The following KIRREL1 variants were observed in gnomAD, a reference collection of about 807,000 sequenced individuals.
The protein encoded by KIRREL1 is kin of IRRE-like protein 1.
KIRREL1 carries 25 observed loss-of-function variants against 83.3 expected under a neutral mutation model. The observed-to-expected ratio is 0.30, with a 90% confidence interval of 0.22 to 0.42. KIRREL1 has a LOEUF of 0.42. Among genes scored for constraint, KIRREL1 ranks in the 10% least tolerant of loss-of-function variants. The pLI is 1.00. For synonymous variants in KIRREL1, 388 were observed against 410.4 expected (o/e 0.95, Z 0.66); for missense variants, 812 against 1,032.3 (o/e 0.79, Z 2.92).
At chr1:158,087,667 G>C in intron 5 of KIRREL1, 88 bp from the exon 6 acceptor site, 1 of 839,620 alleles carries the variant, frequency 1.2e-6, no homozygotes, top group Non-Finnish European at 1.9e-6. Context: ...CCCCGCCAGA[G>C]TGGTCAGGTC....
At chr1:158,044,341 C>T (rs1296577457) in intron 1 of KIRREL1, among the ~76,000 whole-genome samples, 2 of 152,042 alleles carry the variant, frequency 1.3e-5, no homozygotes, top group Non-Finnish European at 2.9e-5. Flanking sequence ...AGGTCCATGC[C>T]CAGAGAGAGC....
chr1:158,014,543 C>T (rs1659772079), intron 1 of KIRREL1, among the ~76,000 whole-genome samples: 1 of 152,024 alleles, frequency 6.6e-6, no homozygotes, highest in African/African-American at 2.4e-5. Flanking sequence ...AAGCAGCAGC[C>T]AGGGAACACC....
intron 1 of KIRREL1, among the ~76,000 whole-genome samples, chr1:158,059,079 T>C (rs577043041): frequency 2.6e-5 from 4 of 152,268 alleles, no homozygotes; most frequent in African/African-American, 9.6e-5. Flanking sequence ...TCCCACTGCA[T>C]GTTTCCCATG....
At chr1:158,031,241 C>G (rs1414126809) in intron 1 of KIRREL1, 1 of 152,224 alleles carries the variant, frequency 6.6e-6, no homozygotes, top group East Asian at 1.9e-4. Context: ...GGTAAGATGT[C>G]TTTCCTAATA....
At chr1:158,004,626 C>G (rs551213906) in intron 1 of KIRREL1, among the ~76,000 whole-genome samples, 3 of 152,146 alleles carry the variant, frequency 2.0e-5, no homozygotes, top group Non-Finnish European at 4.4e-5. Flanking sequence ...GGACGGTGTA[C>G]AGTAAGCTTA....
In KIRREL1 at chr1:158,076,101, T is replaced by G. The variant is rs1317187938; in HGVS notation, c.53-12T>G. 6.2e-7 allele frequency: 1 copy of G among 1,612,920 alleles called. No individual in the cohort carries two copies. Among genetic ancestry groups the G allele is most frequent in the Admixed American group, 1.7e-5 (1 of 59,734 alleles). On this transcript the variant is annotated splice_polypyrimidine_tract_variant and intron_variant, in intron 1 of 14. Transcript: ENST00000359209. Reference sequence around the variant, plus strand: ...TTACTCATCTTACCCAGTGCTGGCTTTGGCTTTGCAGGGACCCAGACCCGC... The same window carrying G: ...TTACTCATCTTACCCAGTGCTGGCTGTGGCTTTGCAGGGACCCAGACCCGC...
At chr1:158,048,882 A>G (rs1389744366) in intron 1 of KIRREL1, among the ~76,000 whole-genome samples, 1 of 152,188 alleles carries the variant, frequency 6.6e-6, no homozygotes, top group Non-Finnish European at 1.5e-5. Flanking sequence ...AATAACAAGC[A>G]GTCCAATTTG....
intron 1 of KIRREL1, among the ~76,000 whole-genome samples, chr1:158,008,156 G>A (rs1239240035): frequency 6.6e-6 from 1 of 152,040 alleles, no homozygotes; most frequent in Non-Finnish European, 1.5e-5. Flanking sequence ...AGCCGGCAGC[G>A]AGGGGGGTGG....
chr1:158,037,459 C>T (rs1660508001), intron 1 of KIRREL1, among the ~76,000 whole-genome samples: 1 of 142,896 alleles, frequency 7.0e-6, no homozygotes, highest in Non-Finnish European at 1.5e-5. Context: ...CGCCACTGCA[C>T]TCCAGCCTGG....
chr1:158,023,571 C>T (rs1360741767), intron 1 of KIRREL1, among the ~76,000 whole-genome samples: 1 of 152,094 alleles, frequency 6.6e-6, no homozygotes, highest in African/African-American at 2.4e-5. Flanking sequence ...CTCCATTCTC[C>T]GTTTAAAAGG....
At chr1:158,091,100 T>C (rs910777425) in intron 10 of KIRREL1, among the ~76,000 whole-genome samples, 3 of 152,156 alleles carry the variant, frequency 2.0e-5, no homozygotes, top group Non-Finnish European at 2.9e-5. Flanking sequence ...ATATCTACAT[T>C]TGAAAGAATC....
intron 4 of KIRREL1, among the ~76,000 whole-genome samples, 173 bp from the exon 5 acceptor site, chr1:158,086,423 A>AACAC (rs61585802): frequency 0.37 from 54,216 of 148,186 alleles, 11,143 homozygotes; most frequent in East Asian, 0.66. Flanking sequence ...CTATTGATTA[A>AACAC]ACACACACAC....
intron 1 of KIRREL1, among the ~76,000 whole-genome samples, chr1:158,006,845 G>A (rs1159225867): frequency 6.6e-6 from 1 of 152,254 alleles, no homozygotes; most frequent in African/African-American, 2.4e-5. Context: ...GGGCATGGGG[G>A]TGATGGCAGA....
intron 1 of KIRREL1, among the ~76,000 whole-genome samples, chr1:158,040,228 G>GAT (rs1320315641): frequency 6.6e-6 from 1 of 152,094 alleles, no homozygotes; most frequent in African/African-American, 2.4e-5. Context: ...ACCATTCCTG[G>GAT]GCTTGACCTC....
intron 1 of KIRREL1, among the ~76,000 whole-genome samples, chr1:158,052,728 G>T (rs1396438894): frequency 6.6e-6 from 1 of 152,130 alleles, no homozygotes; most frequent in Non-Finnish European, 1.5e-5. Flanking sequence ...TGAGCTTGCA[G>T]TGAGCCGAGA....
At chr1:158,069,302 TTGTGTGTGTGTG>T (rs57076623) in intron 1 of KIRREL1, among the ~76,000 whole-genome samples, 58 of 143,372 alleles carry the variant, frequency 4.0e-4, no homozygotes, top group Non-Finnish European at 3.6e-4. Context: ...TATGACGTAC[TTGTGTGTGTGTG>T]TGTGTGTGTG....
chr1:158,086,780 G>C (rs1201806829), intron 5 of KIRREL1, 34 bp downstream of exon 5: 1 of 1,502,570 alleles, frequency 6.7e-7, no homozygotes, highest in Non-Finnish European at 9.1e-7. Context: ...CTGGAGCAGG[G>C]GGGTGGAAGA....
intron 1 of KIRREL1, among the ~76,000 whole-genome samples, chr1:158,000,159 C>CATGCAT (rs572206283): frequency 1.3e-5 from 2 of 152,190 alleles, no homozygotes; most frequent in South Asian, 2.1e-4. Flanking sequence ...AATCTCACTG[C>CATGCAT]ATGCATATGC....
intron 1 of KIRREL1, among the ~76,000 whole-genome samples, chr1:158,000,943 G>T (rs1659344121): frequency 6.6e-6 from 1 of 152,174 alleles, no homozygotes; most frequent in South Asian, 2.1e-4. Context: ...TTTGCAATCT[G>T]GCTCTGGAAG....
Sources: allele counts gnomAD v4.1 joint callset (sites outside exome capture counted in the v4.1 genomes callset), GRCh38; gene constraint gnomAD v4.1.1; transcripts MANE v1.5; gene names NCBI Gene and HGNC (gene_info 2026-07-23, HGNC 2026-07-21).